The following LITAF variants were observed in gnomAD, a reference collection of about 807,000 sequenced individuals.
LITAF encodes lipopolysaccharide induced TNF factor, also known as lipopolysaccharide-induced tumor necrosis factor-alpha factor.
A neutral mutation model predicts 14.5 loss-of-function variants in LITAF; 9 were observed. That is an observed-to-expected ratio of 0.62 (90% CI 0.37 to 1.08). LITAF has a LOEUF of 1.08. Ranked by LOEUF, LITAF falls within the 50% of genes least tolerant of loss-of-function variation. The pLI is 0.01. For synonymous variants in LITAF, 98 were observed against 88.2 expected (o/e 1.11, Z -0.62); for missense variants, 206 against 213.4 (o/e 0.97, Z 0.22).
upstream of LITAF, among the ~76,000 whole-genome samples, chr16:11,588,107 C>G (rs550749534): frequency 1.1e-4 from 16 of 152,198 alleles, no homozygotes; most frequent in Admixed American, 3.3e-4. Context: ...CAGCCGTGGA[C>G]GAGTTACCAA....
rs576217456 is a variant in LITAF, at chr16:11,549,036, T to C, written c.*601A>G. On this transcript the variant is annotated 3_prime_UTR_variant, in exon 4 of 4. Transcript: ENST00000622633. This position sits in a 1 kb window ranked among gnomAD's most constrained non-coding sequence, Gnocchi z 4.6. ...TGGATATGTCTGTACTGGGTGTTAA[T>C]AGCCCCCTCCTTGTATTTAAAAAAA... The C allele has an allele frequency of 1.6e-5, 7 of 449,938 alleles. No individual in the cohort carries two copies. The East Asian group carries it at 4.9e-4, about 32-fold the overall frequency. 27.9% of individuals were successfully genotyped at this position (449,938 alleles called of 1,614,324 possible). A position where few individuals can be genotyped will look rare whatever the true frequency, so the allele number is the denominator to read the frequency against.
chr16:11,585,368 G>A (rs539352392), intron 1 of LITAF, among the ~76,000 whole-genome samples: 1 of 152,090 alleles, frequency 6.6e-6, no homozygotes, highest in African/African-American at 2.4e-5. Flanking sequence ...AAAGTAACAG[G>A]AAAGAGGGAG....
At chr16:11,610,144 G>T (rs988768573) in intron 3 of LITAF, among the ~76,000 whole-genome samples, 2 of 152,220 alleles carry the variant, frequency 1.3e-5, no homozygotes, top group Non-Finnish European at 2.9e-5. Context: ...CAGGAGGACT[G>T]GGTGGTGGGG....
chr16:11,585,790 T>G (rs1436296101), intron 1 of LITAF, among the ~76,000 whole-genome samples: 1 of 152,136 alleles, frequency 6.6e-6, no homozygotes, highest in Admixed American at 6.5e-5. Flanking sequence ...GGAGGCATCC[T>G]CTTTGGGAAG....
At chr16:11,587,346 C>G (rs929004360), upstream of LITAF, 2 of 451,552 alleles carry the variant, frequency 4.4e-6, no homozygotes, top group African/African-American at 2.0e-5. Flanking sequence ...ACCTCGACCC[C>G]GGACCCGCGC....
chr16:11,562,017 CA>C (rs1313437722), intron 1 of LITAF, among the ~76,000 whole-genome samples: 1 of 152,068 alleles, frequency 6.6e-6, no homozygotes, highest in Non-Finnish European at 1.5e-5. Flanking sequence ...CTCGTAGACT[CA>C]AACAATCCTC....
At chr16:11,559,014 G>A (rs1188501735) in intron 1 of LITAF, among the ~76,000 whole-genome samples, 3 of 152,128 alleles carry the variant, frequency 2.0e-5, no homozygotes, top group African/African-American at 4.8e-5. Flanking sequence ...TTGGGAGGTC[G>A]AGGCAGTGGG....
chr16:11,614,962 G>T (rs935647603), intron 3 of LITAF, among the ~76,000 whole-genome samples: 1 of 152,202 alleles, frequency 6.6e-6, no homozygotes, highest in South Asian at 2.1e-4. Flanking sequence ...CCTGTGGCCC[G>T]CTGTCAGATG....
intron 1 of LITAF, among the ~76,000 whole-genome samples, chr16:11,572,428 T>C (rs2064558428): frequency 6.6e-6 from 1 of 151,830 alleles, no homozygotes; most frequent in African/African-American, 2.4e-5. Context: ...TCGGGCTGAA[T>C]ATCGTCAGCG....
At chr16:11,603,906 G>T (rs2064941184) in intron 3 of LITAF, among the ~76,000 whole-genome samples, 2 of 152,050 alleles carry the variant, frequency 1.3e-5, no homozygotes, top group Admixed American at 6.6e-5. Context: ...AATTACCCAG[G>T]CGTGGTGGCG....
At chr16:11,589,980 C>T (rs72779192), upstream of LITAF, among the ~76,000 whole-genome samples, 6,871 of 116,110 alleles carry the variant, frequency 0.059, 2,090 homozygotes, top group African/African-American at 0.13. Context: ...AAGAAAATGG[C>T]TCCATTTACA....
At chr16:11,617,287 C>T (rs57453500) in intron 3 of LITAF, among the ~76,000 whole-genome samples, 46,803 of 151,808 alleles carry the variant, frequency 0.31, 9,598 homozygotes, top group African/African-American at 0.57. Context: ...TCCTTAATAA[C>T]GATACAGTCC....
At chr16:11,579,060 G>A (rs551323243) in intron 1 of LITAF, among the ~76,000 whole-genome samples, 36 of 151,992 alleles carry the variant, frequency 2.4e-4, no homozygotes, top group Admixed American at 7.2e-4. Flanking sequence ...GTGGTGGTGC[G>A]TGCCTGTAAT....
intron 1 of LITAF, among the ~76,000 whole-genome samples, chr16:11,581,644 T>C (rs2064737605): frequency 6.6e-6 from 1 of 152,126 alleles, no homozygotes; most frequent in South Asian, 2.1e-4. Context: ...AAATAAAGTA[T>C]ATTTTGGTTA....
In LITAF at chr16:11,612,084, G is replaced by A. The variant is rs995619525; in HGVS notation, c.85+21449C>T. Among the ~76,000 whole-genome samples, 11 of 152,080 alleles carry A rather than the reference G, an allele frequency of 7.2e-5. No individual in the cohort carries two copies. The East Asian group carries it at 7.7e-4, about 11-fold the overall frequency. On this transcript the variant is annotated intron_variant, in intron 3 of 3. Coordinates refer to the LITAF transcript ENST00000574848. ...CCTCGGGGCTCGGAAATCACCACTC[G>A]CCTGGCAAAGAGGGTTATGTGGGTG...
At position 11,605,511 on chromosome 16, in the gene LITAF, T is replaced by C. The variant is rs560658392; in HGVS notation, c.85+28022A>G. On this transcript the variant is annotated intron_variant, in intron 3 of 3. Coordinates refer to the LITAF transcript ENST00000574848. The surrounding 1 kb of genome is among the most constrained non-coding windows in gnomAD (Gnocchi z 4.7). The stretch of plus-strand genomic sequence containing the variant: ...GCCCAGAGCCGCACAGGAGGGAGAC[T>C]CCTAGGCAGGGGCCGCAAGGAAGGA... Among the ~76,000 whole-genome samples, 1 of 151,298 alleles carries C rather than the reference T, an allele frequency of 6.6e-6. No individual in the cohort carries two copies. Among genetic ancestry groups the C allele is most frequent in the African/African-American group, 2.4e-5 (1 of 41,166 alleles).
chr16:11,555,748 G>C (rs974695780), intron 2 of LITAF, among the ~76,000 whole-genome samples: 1 of 152,010 alleles, frequency 6.6e-6, no homozygotes, highest in Non-Finnish European at 1.5e-5. Flanking sequence ...TCCTCTTCCA[G>C]CTCAAAATAA....
chr16:11,552,760 G>A (rs946462375), intron 3 of LITAF, among the ~76,000 whole-genome samples: 2 of 152,112 alleles, frequency 1.3e-5, no homozygotes, highest in African/African-American at 2.4e-5. Context: ...AGCATTAAGC[G>A]GGTGGGGGCC....
chr16:11,614,695 G>A (rs929101754), intron 3 of LITAF, among the ~76,000 whole-genome samples: 5 of 152,114 alleles, frequency 3.3e-5, no homozygotes, highest in Non-Finnish European at 5.9e-5. Flanking sequence ...CACCTCCAGG[G>A]CTCGAGATCC....
Sources: allele counts gnomAD v4.1 joint callset (sites outside exome capture counted in the v4.1 genomes callset), GRCh38; gene constraint gnomAD v4.1.1; non-coding constraint Gnocchi (gnomAD v3.1); transcripts MANE v1.5; gene names NCBI Gene and HGNC (gene_info 2026-07-23, HGNC 2026-07-21).